The following CEP63 variants were observed in gnomAD, a reference collection of about 807,000 sequenced individuals.
The protein encoded by CEP63 is centrosomal protein 63.
Under a neutral mutation model 89.1 loss-of-function variants are expected in CEP63, and 84 were observed. The observed-to-expected ratio is 0.94, with a 90% CI of 0.79 to 1.13. The LOEUF (loss-of-function observed/expected upper bound fraction) is 1.13. Ranked by LOEUF, CEP63 falls within the 50% of genes most tolerant of loss-of-function variation. CEP63 has a pLI of 0.00. For synonymous variants in CEP63, 267 were observed against 272.5 expected, an observed-to-expected ratio of 0.98 and a Z score of 0.20; for missense variants, 838 against 813.3, an observed-to-expected ratio of 1.03 and a Z score of -0.37.
chr3:134,750,774 T>C, the CEP63 span, among the ~76,000 whole-genome samples: 1 of 152,208 alleles, frequency 6.6e-6, no homozygotes, highest in African/African-American at 2.4e-5. Flanking sequence ...ATTTCTGGGC[T>C]GGCAGAAGAA....
chr3:134,485,770 A>G (rs529190006), upstream of CEP63: 1 of 159,926 alleles, frequency 6.3e-6, no homozygotes, highest in African/African-American at 2.4e-5. Context: ...GGAAGCGGAG[A>G]CGGGGAGGTC....
the CEP63 span, among the ~76,000 whole-genome samples, chr3:134,751,878 A>G: frequency 6.6e-6 from 1 of 152,218 alleles, no homozygotes; most frequent in Non-Finnish European, 1.5e-5. Flanking sequence ...AAGGGAAAAA[A>G]AAGTCTGGGC....
chr3:134,703,450 A>C, the CEP63 span, among the ~76,000 whole-genome samples: 2 of 152,238 alleles, frequency 1.3e-5, no homozygotes, highest in African/African-American at 4.8e-5. Context: ...CAGCTGCAAA[A>C]AGGAATGAGA....
downstream of CEP63, among the ~76,000 whole-genome samples, chr3:134,569,089 C>T (rs564851977): frequency 2.8e-4 from 43 of 152,284 alleles, no homozygotes; most frequent in African/African-American, 9.9e-4. Flanking sequence ...GAAAGACCTG[C>T]CCCCATGATT....
At chr3:134,608,604 G>A in the CEP63 span, 3 of 1,613,824 alleles carry the variant, frequency 1.9e-6, no homozygotes, top group Non-Finnish European at 2.5e-6. Flanking sequence ...AGTGCGAAAT[G>A]CTCCATTCCT....
chr3:134,770,310 C>G, the CEP63 span, among the ~76,000 whole-genome samples: 2 of 152,182 alleles, frequency 1.3e-5, no homozygotes, highest in African/African-American at 4.8e-5. Context: ...TCTGAGGTAG[C>G]CAGTCCATGA....
the CEP63 span, chr3:134,627,910 G>T: frequency 1.0e-6 from 1 of 959,892 alleles, no homozygotes; most frequent in South Asian, 1.3e-5. Context: ...CCTTGCTTTT[G>T]ACCCCTCCTC....
In CEP63 at chr3:134,488,527, T is replaced by G. The variant is rs1390740438; in HGVS notation, c.-26+2325T>G. On this transcript the variant is annotated intron_variant, in intron 1 of 14. Transcript: ENST00000675561. The stretch of plus-strand genomic sequence containing the variant: ...GGGAGGCTGAGGCAGGAGAATCACG[T>G]GAATCCGGGAGGCGGAGGTTGCAGT... Among the ~76,000 whole-genome samples the G allele has an allele frequency of 2.6e-5, 4 of 151,402 alleles. No individual in the cohort carries two copies. In the South Asian group the frequency reaches 8.3e-4, roughly 32 times the overall value.
chr3:134,766,239 T>C, the CEP63 span, among the ~76,000 whole-genome samples: 1 of 152,214 alleles, frequency 6.6e-6, no homozygotes, highest in East Asian at 1.9e-4. Context: ...CTGATAGCTC[T>C]GATGGTAGAG....
intron 13 of CEP63, among the ~76,000 whole-genome samples, chr3:134,558,762 A>G (rs779792001): frequency 1.3e-5 from 2 of 152,208 alleles, no homozygotes; most frequent in African/African-American, 4.8e-5. Flanking sequence ...AGCTCATACT[A>G]TATGGCTTAC....
At chr3:134,765,229 T>A in the CEP63 span, among the ~76,000 whole-genome samples, 2 of 152,384 alleles carry the variant, frequency 1.3e-5, no homozygotes, top group South Asian at 4.1e-4. Context: ...TATAGGCTAA[T>A]GTCCCAATAA....
chr3:134,623,083 T>C, the CEP63 span, among the ~76,000 whole-genome samples: 1 of 152,218 alleles, frequency 6.6e-6, no homozygotes, highest in Non-Finnish European at 1.5e-5. Context: ...TACTCAGCAT[T>C]GCAGGCCTGC....
At chr3:134,544,660 A>G (rs931092825) in intron 6 of CEP63, among the ~76,000 whole-genome samples, 1 of 151,982 alleles carries the variant, frequency 6.6e-6, no homozygotes, top group Non-Finnish European at 1.5e-5. Flanking sequence ...TAAACTACAA[A>G]TTTAGTGATT....
chr3:134,737,721 T>A, the CEP63 span, among the ~76,000 whole-genome samples: 1 of 152,244 alleles, frequency 6.6e-6, no homozygotes, highest in Non-Finnish European at 1.5e-5. Context: ...CTTCTTCTCA[T>A]GTCTGGCACC....
chr3:134,650,940 G>C, the CEP63 span: 9 of 1,613,204 alleles, frequency 5.6e-6, no homozygotes, highest in African/African-American at 1.1e-4. Flanking sequence ...ATACAGCGTT[G>C]ATGTCCTTCT....
rs760903638 is a variant in CEP63, at chr3:134,559,151, C to G, written c.1675C>G (p.Pro559Ala). 2.5e-6 allele frequency: 4 copies of G among 1,613,736 alleles called. No homozygotes were observed. The highest frequency in any genetic ancestry group is 3.4e-6 in the Non-Finnish European group (4 of 1,179,914). The stretch of plus-strand genomic sequence containing the variant: ...TTTGTTTTCTAATCTACCATCCAGG[C>G]CAACCCATGGCCAGCACAGACATGA... ...TTEFKNTEFK[P>A]THGQHRHDGI... Residue 559 changes from proline (P) to alanine (A), a missense_variant and splice_region_variant, in exon 14 of 15, where the codon CCA becomes GCA. Transcript: ENST00000675561.
the CEP63 span, among the ~76,000 whole-genome samples, chr3:134,676,210 G>A: frequency 1.6e-4 from 25 of 152,180 alleles, no homozygotes; most frequent in African/African-American, 5.8e-4. Context: ...GAATAAACAA[G>A]CTATGGTATA....
At chr3:134,684,629 T>A in the CEP63 span, among the ~76,000 whole-genome samples, 4 of 152,258 alleles carry the variant, frequency 2.6e-5, no homozygotes, top group African/African-American at 9.6e-5. Context: ...CCGGGCACAT[T>A]GAAGTCAGGC....
chr3:134,599,179 A>G, the CEP63 span, among the ~76,000 whole-genome samples: 3 of 152,238 alleles, frequency 2.0e-5, no homozygotes, highest in Non-Finnish European at 4.4e-5. Context: ...ATTGGAGGTC[A>G]TCCACTCCAG....
Sources: allele counts gnomAD v4.1 joint callset (sites outside exome capture counted in the v4.1 genomes callset), GRCh38; gene constraint gnomAD v4.1.1; transcripts MANE v1.5; gene names NCBI Gene and HGNC (gene_info 2026-07-23, HGNC 2026-07-21).